The following KSR2 variants were observed in gnomAD, a reference collection of about 807,000 sequenced individuals.
The protein encoded by KSR2 is kinase suppressor of ras 2.
A neutral mutation model predicts 107.8 loss-of-function variants in KSR2; 25 were observed. That is an observed-to-expected ratio of 0.23 (90% CI 0.17 to 0.32). The LOEUF (loss-of-function observed/expected upper bound fraction) is 0.32. Among genes scored for constraint, KSR2 ranks in the 10% least tolerant of loss-of-function variants. The pLI is 1.00. For missense variants in KSR2, 887 were observed against 1,268.9 expected, an observed-to-expected ratio of 0.70 and a Z score of 4.57; for synonymous variants, 480 against 507.0, an observed-to-expected ratio of 0.95 and a Z score of 0.71.
chr12:117,887,789 A>G (rs565647443), intron 1 of KSR2, among the ~76,000 whole-genome samples: 18 of 152,216 alleles, frequency 1.2e-4, no homozygotes, highest in African/African-American at 4.3e-4. Context: ...GTTTCCTTTC[A>G]TGCATTAAAA....
At chr12:117,607,787 G>A (rs993458659) in intron 5 of KSR2, among the ~76,000 whole-genome samples, 12 of 152,274 alleles carry the variant, frequency 7.9e-5, no homozygotes, top group Admixed American at 5.9e-4. Context: ...GGGGTTCTGC[G>A]GATCTGAGGC....
rs528003690 is a variant in KSR2 at position 117,875,503 on chromosome 12, G to A, written c.181-15072C>T. Among the ~76,000 whole-genome samples the A allele has an allele frequency of 1.1e-4, 16 of 152,142 alleles. No individual in the cohort carries two copies. In the South Asian group the frequency reaches 3.1e-3, roughly 30 times the overall value. ...TTGGCTCTCAGCCCATTTTACACAC[G>A]AGAAAACTGAGGCTCAGTAATGGAA... is the stretch of plus-strand genomic sequence containing the variant. On this transcript the variant is annotated intron_variant, in intron 1 of 19. Coordinates refer to ENST00000339824, the MANE Select transcript of KSR2 (RefSeq NM_173598.6).
intron 4 of KSR2, among the ~76,000 whole-genome samples, chr12:117,716,659 G>A (rs1267221513): frequency 6.6e-6 from 1 of 152,114 alleles, no homozygotes; most frequent in African/African-American, 2.4e-5. Flanking sequence ...GGTAGTGCTG[G>A]TCTAGAACTG....
chr12:117,859,455 TTA>T (rs1404926139), intron 2 of KSR2, among the ~76,000 whole-genome samples: 7 of 133,352 alleles, frequency 5.2e-5, no homozygotes, highest in African/African-American at 2.2e-4. Context: ...TTTTTGTTTT[TTA>T]TTTATTTTTT....
At position 117,653,187 on chromosome 12, in the gene KSR2, T is replaced by A. The variant is rs1386715269; in HGVS notation, c.1171+14287A>T. On this transcript the variant is annotated intron_variant, in intron 5 of 19. Transcript: ENST00000339824. ...ACAGATGGATCTTGGAGAATGACAGTGGATTATCATAAGCTTAACCAAGTG... is the reference window on the plus strand; with the variant it reads ...ACAGATGGATCTTGGAGAATGACAGAGGATTATCATAAGCTTAACCAAGTG... 4.6e-5 allele frequency among the ~76,000 whole-genome samples: 7 copies of A among 152,354 alleles called. No homozygotes were observed. In the East Asian group the frequency reaches 1.3e-3, roughly 29 times the overall value.
chr12:117,680,665 G>A (rs573091308), intron 4 of KSR2, among the ~76,000 whole-genome samples: 3 of 152,282 alleles, frequency 2.0e-5, no homozygotes, highest in South Asian at 4.2e-4. Context: ...TGGACTGGTC[G>A]ATTAAATTAT....
Position 117,586,006 on chromosome 12 carries a change from G to C in KSR2, c.1172-3647C>G, listed in dbSNP as rs189895427. The stretch of plus-strand genomic sequence containing the variant: ...CTGAGAAATGCATCTGCCCAGAAGG[G>C]GCTTTGCACAGAAGAGGGAAAAGCC... On this transcript the variant is annotated intron_variant, in intron 5 of 19. Coordinates refer to ENST00000339824, the MANE Select transcript of KSR2 (RefSeq NM_173598.6). Among the ~76,000 whole-genome samples the C allele has an allele frequency of 8.5e-4, 129 of 152,310 alleles. 1 individual carries two copies. In the East Asian group the frequency reaches 0.023, roughly 27 times the overall value.
rs1870535512 is a variant in KSR2, at chr12:117,455,038, G to GAGAC, written c.*12160_*12161insGTCT. The GAGAC allele has an allele frequency of 7.1e-6, 1 of 139,910 alleles. No homozygotes were observed. Among genetic ancestry groups the GAGAC allele is most frequent in the Admixed American group, 7.1e-5 (1 of 14,112 alleles). The allele number at this position is 139,910 out of a possible 1,614,324, so 8.7% of individuals were successfully genotyped here. ...ACAGACACAGAGACAGACAGACAGA[G>GAGAC]AGAGAGAGAGAGAGAGAGAGAGAGA... On this transcript the variant is annotated 3_prime_UTR_variant, in exon 20 of 20. Transcript: ENST00000339824.
intron 4 of KSR2, among the ~76,000 whole-genome samples, chr12:117,720,156 C>A (rs11068647): frequency 6.6e-6 from 1 of 152,198 alleles, no homozygotes; most frequent in African/African-American, 2.4e-5. Flanking sequence ...GATGGTTCAT[C>A]CCTGCTGAAC....
chr12:117,777,107 T>TATATATATATATATATAC (rs58787858), intron 3 of KSR2, among the ~76,000 whole-genome samples: 86 of 66,118 alleles, frequency 1.3e-3, no homozygotes, highest in African/African-American at 4.9e-3. Flanking sequence ...TATATATATA[T>TATATATATATATATATAC]ACACACACAC....
At chr12:117,801,916 C>T (rs1020168112) in intron 3 of KSR2, among the ~76,000 whole-genome samples, 1 of 152,042 alleles carries the variant, frequency 6.6e-6, no homozygotes, top group African/African-American at 2.4e-5. Context: ...ACCAGGGTTG[C>T]TCACCATGAA....
At chr12:117,720,499 A>C (rs1443657031) in intron 4 of KSR2, among the ~76,000 whole-genome samples, 1 of 152,236 alleles carries the variant, frequency 6.6e-6, no homozygotes, top group Non-Finnish European at 1.5e-5. Context: ...TTAAAGTAAC[A>C]CGAGGCAGAG....
chr12:117,636,827 G>A (rs902196171), intron 5 of KSR2, among the ~76,000 whole-genome samples: 13 of 152,014 alleles, frequency 8.6e-5, no homozygotes, highest in African/African-American at 3.1e-4. Context: ...TTAACGTTAA[G>A]AACCCCTATA....
At chr12:117,858,141 C>T (rs1038312495) in intron 2 of KSR2, among the ~76,000 whole-genome samples, 10 of 152,138 alleles carry the variant, frequency 6.6e-5, no homozygotes, top group African/African-American at 2.2e-4. Flanking sequence ...AAATAAATGT[C>T]CTGACATCAT....
intron 3 of KSR2, among the ~76,000 whole-genome samples, chr12:117,774,524 T>C (rs1889618591): frequency 6.6e-6 from 1 of 152,200 alleles, no homozygotes; most frequent in African/African-American, 2.4e-5. Flanking sequence ...GAGCACAGGC[T>C]CTGACCCCGT....
In KSR2 at chr12:117,469,941, C is replaced by T; in HGVS notation, c.2713-146G>A. 5 of 752,352 alleles carry T rather than the reference C, an allele frequency of 6.6e-6. No individual in the cohort carries two copies. The South Asian group carries it at 8.6e-5, about 13-fold the overall frequency. 46.6% of individuals were successfully genotyped at this position (752,352 alleles called of 1,614,324 possible). A position where few individuals can be genotyped will look rare whatever the true frequency, so the allele number is the denominator to read the frequency against. ...TCCATTCATCCATCCATCCATCCAT[C>T]CACCCATCCGGTACGTGTCTACACA... is the stretch of plus-strand genomic sequence containing the variant. On this transcript the variant is annotated intron_variant, in intron 18 of 19. Transcript: ENST00000339824.
intron 4 of KSR2, among the ~76,000 whole-genome samples, chr12:117,693,851 G>A (rs1885935885): frequency 2.0e-5 from 3 of 152,204 alleles, no homozygotes; most frequent in African/African-American, 7.2e-5. Flanking sequence ...TGCCCACTGA[G>A]CAGTAAAATC....
chr12:117,875,243 G>C (rs532124642), intron 1 of KSR2, among the ~76,000 whole-genome samples: 3 of 151,918 alleles, frequency 2.0e-5, no homozygotes, highest in Admixed American at 2.0e-4. Context: ...TTTTCACTCC[G>C]AATCTAAACC....
In KSR2 at chr12:117,761,219, T is replaced by G; in HGVS notation, c.778A>C (p.Thr260Pro). Reference sequence around the variant, plus strand: ...ACGATGTTGGGGGTGCGCGGCGGGGTGCGGACCGCGTGCCGCTGCCGGGGC... The same window carrying G: ...ACGATGTTGGGGGTGCGCGGCGGGGGGCGGACCGCGTGCCGCTGCCGGGGC... ...PSPRQRHAVR[T>P]PPRTPNIVTT... The change falls in exon 4 of 20, where the codon ACC (threonine) becomes CCC (proline). Residue 260 changes from threonine to proline, a missense_variant. Thr to Pro is a conservative substitution (Grantham distance 38, BLOSUM62 -1). Coordinates refer to ENST00000339824, the MANE Select transcript of KSR2 (RefSeq NM_173598.6). The G allele has an allele frequency of 6.4e-7, 1 of 1,552,690 alleles. No individual in the cohort carries two copies. Among genetic ancestry groups the G allele is most frequent in the Non-Finnish European group, 8.7e-7 (1 of 1,149,546 alleles).
Sources: allele counts gnomAD v4.1 joint callset (sites outside exome capture counted in the v4.1 genomes callset), GRCh38; gene constraint gnomAD v4.1.1; transcripts MANE v1.5; gene names NCBI Gene and HGNC (gene_info 2026-07-23, HGNC 2026-07-21).